The following CNTLN variants were observed in gnomAD, a reference collection of about 807,000 sequenced individuals.
CNTLN encodes the protein centlein, also known as centlein, centrosomal protein.
A neutral mutation model predicts 180.0 loss-of-function variants in CNTLN; 212 were observed. The observed-to-expected ratio is 1.18, with a 90% CI of 1.05 to 1.32. The LOEUF is 1.32. Ranked by LOEUF, CNTLN falls within the 40% of genes most tolerant of loss-of-function variation. The pLI is 0.00. For missense variants in CNTLN, 2,095 were observed against 1,610.9 expected (o/e 1.30, Z -5.14); for synonymous variants, 722 against 563.1 (o/e 1.28, Z -3.99).
chr9:17,330,440 G>C (rs939464447), intron 8 of CNTLN, among the ~76,000 whole-genome samples, 192 bp from the exon 9 acceptor site: 1 of 151,570 alleles, frequency 6.6e-6, no homozygotes, highest in African/African-American at 2.4e-5. Context: ...ATAGACTCTT[G>C]GTTATTTTAT....
chr9:17,224,823 A>T, intron 2 of CNTLN, among the ~76,000 whole-genome samples: 1 of 149,938 alleles, frequency 6.7e-6, no homozygotes. Context: ...GGTTATTTTT[A>T]TTTTTTCTAG....
intron 15 of CNTLN, among the ~76,000 whole-genome samples, chr9:17,399,693 A>C (rs1480657832): frequency 6.6e-6 from 1 of 152,156 alleles, no homozygotes; most frequent in East Asian, 1.9e-4. Flanking sequence ...CTCCTCCCAA[A>C]ATATAGTTGA....
intron 15 of CNTLN, among the ~76,000 whole-genome samples, chr9:17,399,697 T>C (rs1826819018): frequency 6.6e-6 from 1 of 152,116 alleles, no homozygotes; most frequent in Admixed American, 6.5e-5. Context: ...TCCCAAAATA[T>C]AGTTGAAGGA....
At chr9:17,487,746 C>T (rs748086003) in intron 25 of CNTLN, among the ~76,000 whole-genome samples, 8 of 152,174 alleles carry the variant, frequency 5.3e-5, no homozygotes, top group Non-Finnish European at 1.2e-4. Flanking sequence ...GCTGCTGTGA[C>T]CTGTGTGATA....
rs993654898 is a variant in CNTLN at position 17,503,533 on chromosome 9, C to G, written c.*881C>G. ...TGGTCTTCTCTCTTTCTAGAATACT[C>G]TGCACTCAACTTTCCTCATGGCTGG... On this transcript the variant is annotated 3_prime_UTR_variant, in exon 26 of 26. Transcript: ENST00000380647. The G allele has an allele frequency of 4.6e-5, 7 of 152,268 alleles. No individual in the cohort carries two copies. The highest frequency in any genetic ancestry group is 8.8e-5 in the Non-Finnish European group (6 of 68,060). The allele number at this position is 152,268 out of a possible 1,614,324, so 9.4% of individuals were successfully genotyped here.
chr9:17,219,560 A>G (rs1262254843), intron 2 of CNTLN, among the ~76,000 whole-genome samples: 1 of 152,074 alleles, frequency 6.6e-6, no homozygotes, highest in Non-Finnish European at 1.5e-5. Context: ...GTTATAAGAT[A>G]TACCATTCAG....
chr9:17,256,843 G>C (rs889494964), intron 5 of CNTLN, among the ~76,000 whole-genome samples: 1 of 151,750 alleles, frequency 6.6e-6, no homozygotes, highest in Admixed American at 6.6e-5. Flanking sequence ...TGATTTTTTG[G>C]AAGGTCAAAT....
At chr9:17,502,514 TAG>T (rs1564158105) in intron 25 of CNTLN, 35 bp from the exon 26 acceptor site, 6 of 976,490 alleles carry the variant, frequency 6.1e-6, no homozygotes, top group Non-Finnish European at 9.1e-6. Flanking sequence ...GAAGAAAATA[TAG>T]AGTTTTAATA....
chr9:17,164,712 G>T (rs1343272106), intron 2 of CNTLN, among the ~76,000 whole-genome samples: 1 of 151,468 alleles, frequency 6.6e-6, no homozygotes, highest in African/African-American at 2.4e-5. Context: ...CTCCCAAAGT[G>T]CTGGGATTAC....
At chr9:17,139,868 C>G (rs1258344964) in intron 1 of CNTLN, among the ~76,000 whole-genome samples, 1 of 152,020 alleles carries the variant, frequency 6.6e-6, no homozygotes, top group Non-Finnish European at 1.5e-5. Context: ...CCACACTAGG[C>G]TAAGTTTTGC....
At chr9:17,486,557 T>C (rs1832900015) in intron 24 of CNTLN, among the ~76,000 whole-genome samples, 1 of 152,132 alleles carries the variant, frequency 6.6e-6, no homozygotes, top group Admixed American at 6.6e-5. Flanking sequence ...AGTCATGCCA[T>C]GTTCTATTCT....
At chr9:17,157,114 T>C (rs115180147) in intron 2 of CNTLN, among the ~76,000 whole-genome samples, 2,050 of 152,184 alleles carry the variant, frequency 0.013, 48 homozygotes, top group African/African-American at 0.047. Flanking sequence ...GGGGTCTTGG[T>C]TGAGTGTTAG....
chr9:17,360,924 A>G (rs905829262), intron 12 of CNTLN, among the ~76,000 whole-genome samples: 1 of 147,108 alleles, frequency 6.8e-6, no homozygotes, highest in Non-Finnish European at 1.5e-5. Context: ...TTTATAAAAC[A>G]TTCAGTTAGG....
intron 25 of CNTLN, among the ~76,000 whole-genome samples, chr9:17,494,033 T>C (rs573084577): frequency 6.6e-6 from 1 of 152,308 alleles, no homozygotes; most frequent in African/African-American, 2.4e-5. Flanking sequence ...ACCTGACAGA[T>C]TTGGAATGAT....
intron 5 of CNTLN, among the ~76,000 whole-genome samples, chr9:17,267,999 G>GGA (rs940743453): frequency 5.4e-4 from 82 of 151,878 alleles, no homozygotes; most frequent in African/African-American, 1.9e-3. Flanking sequence ...CTTGTAGCTT[G>GGA]GAGTAGTTTG....
intron 8 of CNTLN, among the ~76,000 whole-genome samples, chr9:17,325,579 A>ACG (rs1554689560): frequency 2.3e-5 from 3 of 129,384 alleles, no homozygotes; most frequent in African/African-American, 2.7e-5. Flanking sequence ...ACACACACGC[A>ACG]CACACACACT....
At chr9:17,461,104 A>G (rs565884235) in intron 19 of CNTLN, among the ~76,000 whole-genome samples, 8 of 151,580 alleles carry the variant, frequency 5.3e-5, no homozygotes, top group Non-Finnish European at 1.2e-4. Context: ...CCCTAAAGCC[A>G]TCACTATATT....
intron 23 of CNTLN, among the ~76,000 whole-genome samples, chr9:17,481,096 G>A (rs1012168603): frequency 2.0e-5 from 3 of 152,002 alleles, no homozygotes; most frequent in Non-Finnish European, 2.9e-5. Flanking sequence ...GCAGGGAGCC[G>A]CACCACAGTC....
At chr9:17,258,675 G>T (rs1289236051) in intron 5 of CNTLN, among the ~76,000 whole-genome samples, 2 of 148,320 alleles carry the variant, frequency 1.3e-5, no homozygotes. Context: ...AGTTCTCCTT[G>T]AAGAGGTCCT....
Sources: gnomAD v4.1 joint callset for allele counts (sites outside exome capture counted in the v4.1 genomes callset) on GRCh38, gnomAD v4.1.1 for gene constraint, MANE v1.5 for transcripts, NCBI Gene and HGNC (gene_info 2026-07-23, HGNC 2026-07-21) for gene names.